Variants in ADAMTS18 observed in about 807,000 individuals in gnomAD.
ADAMTS18 encodes A disintegrin and metalloproteinase with thrombospondin motifs 18.
ADAMTS18 carries 157 observed loss-of-function variants against 165.9 expected under a neutral mutation model. The observed-to-expected ratio is 0.95, with a 90% CI of 0.83 to 1.08. The LOEUF is 1.08. Ranked by LOEUF, ADAMTS18 falls within the 50% of genes least tolerant of loss-of-function variation. The pLI is 0.00. For missense variants in ADAMTS18, 2,040 were observed against 1,534.0 expected, an observed-to-expected ratio of 1.33 and a Z score of -5.51; for synonymous variants, 782 against 578.2, an observed-to-expected ratio of 1.35 and a Z score of -5.06.
intron 10 of ADAMTS18, among the ~76,000 whole-genome samples, chr16:77,343,637 T>A (rs1208105581): frequency 6.6e-6 from 1 of 152,134 alleles, no homozygotes; most frequent in East Asian, 1.9e-4. Flanking sequence ...GATTTCTGAG[T>A]CTAGTAACAA....
At chr16:77,428,242 T>C (rs541374603) in intron 3 of ADAMTS18, among the ~76,000 whole-genome samples, 1 of 152,278 alleles carries the variant, frequency 6.6e-6, no homozygotes, top group Non-Finnish European at 1.5e-5. Flanking sequence ...TCTCCTGGCA[T>C]GTTAACTCGA....
intron 17 of ADAMTS18, among the ~76,000 whole-genome samples, chr16:77,299,127 T>G: frequency 6.6e-6 from 1 of 152,320 alleles, no homozygotes; most frequent in East Asian, 1.9e-4. Context: ...TGTGACTAAA[T>G]GAAACAGTGT....
At chr16:77,317,585 C>T (rs150246780) in intron 16 of ADAMTS18, among the ~76,000 whole-genome samples, 206 of 152,272 alleles carry the variant, frequency 1.4e-3, no homozygotes, top group African/African-American at 4.8e-3. Flanking sequence ...CCACCTGCCT[C>T]GGGTGATTTC....
At chr16:77,314,778 A>ATATG (rs1555511676) in intron 16 of ADAMTS18, among the ~76,000 whole-genome samples, 2 of 85,512 alleles carry the variant, frequency 2.3e-5, no homozygotes, top group Non-Finnish European at 4.9e-5. Flanking sequence ...ATATATATAT[A>ATATG]TATATATAAA....
chr16:77,423,849 A>T (rs2057635932), intron 3 of ADAMTS18, among the ~76,000 whole-genome samples: 1 of 152,252 alleles, frequency 6.6e-6, no homozygotes, highest in African/African-American at 2.4e-5. Context: ...TCCTGTTCTG[A>T]CAGGGTTGAA....
intron 6 of ADAMTS18, 94 bp downstream of exon 6, chr16:77,363,708 G>A (rs766710977): frequency 4.2e-4 from 481 of 1,155,068 alleles, no homozygotes; most frequent in Non-Finnish European, 6.0e-4. Flanking sequence ...AGCAGCTAAC[G>A]ACTAGTACAT....
intron 3 of ADAMTS18, among the ~76,000 whole-genome samples, chr16:77,393,997 C>T (rs2057224595): frequency 6.6e-6 from 1 of 152,240 alleles, no homozygotes; most frequent in Non-Finnish European, 1.5e-5. Context: ...AATTGGATTA[C>T]TGCTGCTGAG....
intron 3 of ADAMTS18, among the ~76,000 whole-genome samples, chr16:77,417,730 A>C (rs1473209262): frequency 1.3e-5 from 2 of 152,252 alleles, no homozygotes; most frequent in Non-Finnish European, 2.9e-5. Flanking sequence ...CACTAGGCTA[A>C]AACTTAAAGT....
At chr16:77,433,147 A>G (rs1469147047) in intron 2 of ADAMTS18, among the ~76,000 whole-genome samples, 1 of 152,178 alleles carries the variant, frequency 6.6e-6, no homozygotes, top group Non-Finnish European at 1.5e-5. Context: ...ATTATGTGCA[A>G]TTTCTTAGAG....
chr16:77,396,020 C>G (rs771322069), intron 3 of ADAMTS18, among the ~76,000 whole-genome samples: 1 of 152,176 alleles, frequency 6.6e-6, no homozygotes, highest in Non-Finnish European at 1.5e-5. Flanking sequence ...AGGGTAGGGA[C>G]AAGACCATTA....
chr16:77,302,095 T>A (rs773282144), intron 16 of ADAMTS18, among the ~76,000 whole-genome samples: 12 of 151,218 alleles, frequency 7.9e-5, no homozygotes, highest in Non-Finnish European at 1.2e-4. Context: ...ATTTCACACA[T>A]GTTGAATAAA....
chr16:77,306,888 C>T (rs1043654724), intron 16 of ADAMTS18, among the ~76,000 whole-genome samples: 2 of 152,164 alleles, frequency 1.3e-5, no homozygotes, highest in African/African-American at 4.8e-5. Flanking sequence ...TTGTTTAACC[C>T]TAAAACCTCA....
At chr16:77,400,757 C>G (rs2057320898) in intron 3 of ADAMTS18, among the ~76,000 whole-genome samples, 1 of 151,754 alleles carries the variant, frequency 6.6e-6, no homozygotes, top group African/African-American at 2.4e-5. Context: ...GAGTGAGCCA[C>G]CACGCCTGGC....
chr16:77,391,851 G>A (rs1185347336), intron 3 of ADAMTS18, among the ~76,000 whole-genome samples: 1 of 152,140 alleles, frequency 6.6e-6, no homozygotes, highest in African/African-American at 2.4e-5. Flanking sequence ...CACTTTCTGA[G>A]TTTTCTAAAG....
At chr16:77,373,676 A>G (rs1046024518) in intron 3 of ADAMTS18, among the ~76,000 whole-genome samples, 1 of 152,104 alleles carries the variant, frequency 6.6e-6, no homozygotes, top group African/African-American at 2.4e-5. Context: ...GAACTTACTT[A>G]TGTAACCAAA....
chr16:77,434,456 G>C lies in ADAMTS18; in HGVS notation c.140C>G (p.Ala47Gly), dbSNP rs761258663. The change falls in exon 2 of 23, where the codon GCC becomes GGC. Residue 47 changes from alanine (A) to glycine (G), a missense_variant. Ala to Gly is a moderately conservative substitution (Grantham distance 60). Transcript: ENST00000282849. ...GCTGGCGCCGCTGCTGCTGTCACTG[G>C]CTAAGGCCGCGGCGACCGACGCACA... The part of the protein sequence containing the change: ...LCCASVAAAL[A>G]SDSSSGASGL... 1.9e-6 allele frequency: 3 copies of C among 1,573,454 alleles called. No homozygotes were observed. The highest frequency in any genetic ancestry group is 3.6e-5 in the Admixed American group (2 of 56,234).
Position 77,283,884 on chromosome 16 carries a change from C to T in ADAMTS18, c.*72G>A. The T allele has an allele frequency of 8.2e-7, 1 of 1,220,444 alleles. No homozygotes were observed. Among genetic ancestry groups the T allele is most frequent in the Non-Finnish European group, 1.2e-6 (1 of 824,326 alleles). The allele number at this position is 1,220,444 out of a possible 1,614,324, so 75.6% of individuals were successfully genotyped here. ...GTTCTCGGTGCTCAGCTCCTGGTCTCAAAGGCAGCTGGTCTCTCTAGAGGT... is the reference window on the plus strand; with the variant it reads ...GTTCTCGGTGCTCAGCTCCTGGTCTTAAAGGCAGCTGGTCTCTCTAGAGGT... On this transcript the variant is annotated 3_prime_UTR_variant, in exon 23 of 23. Coordinates refer to ENST00000282849, the MANE Select transcript of ADAMTS18 (RefSeq NM_199355.4).
chr16:77,289,490 T>A, intron 21 of ADAMTS18, 79 bp from the exon 22 acceptor site: 1 of 1,536,500 alleles, frequency 6.5e-7, no homozygotes, highest in Non-Finnish European at 8.9e-7. Context: ...TTCCCATGCT[T>A]CATGACATTA....
At chr16:77,364,156 A>T (rs866955470) in intron 5 of ADAMTS18, 32 bp downstream of exon 5, 2 of 1,613,370 alleles carry the variant, frequency 1.2e-6, no homozygotes, top group Middle Eastern at 3.3e-4. Context: ...TTTTCTTTGG[A>T]GAGCCAGAAG....
Sources: allele counts gnomAD v4.1 joint callset (sites outside exome capture counted in the v4.1 genomes callset), GRCh38; gene constraint gnomAD v4.1.1; transcripts MANE v1.5; gene names NCBI Gene and HGNC (gene_info 2026-07-23, HGNC 2026-07-21).